Variants in WDR37 observed in about 807,000 individuals in gnomAD.
WDR37 encodes the protein WD repeat domain 37.
WDR37 carries 19 observed loss-of-function variants against 62.9 expected under a neutral mutation model. The ratio of observed to expected loss-of-function variants is 0.30; its 90% CI spans 0.21 to 0.44. The LOEUF (loss-of-function observed/expected upper bound fraction) is 0.44, where lower values mean the gene tolerates loss of function less well. Ranked by LOEUF, WDR37 falls within the 20% of genes least tolerant of loss-of-function variation. The probability of loss-of-function intolerance (pLI) is 1.00; values close to 1 mark genes in which losing one functional copy is unlikely to be tolerated. For missense variants in WDR37, 474 were observed against 657.6 expected, an observed-to-expected ratio of 0.72 and a Z score of 3.05; for synonymous variants, 250 against 260.9, an observed-to-expected ratio of 0.96 and a Z score of 0.40.
intron 11 of WDR37, among the ~76,000 whole-genome samples, chr10:1,116,234 C>A (rs2387297): frequency 3.6e-4 from 54 of 151,196 alleles, no homozygotes; most frequent in Non-Finnish European, 5.9e-4. Context: ...CTCCCGTCAT[C>A]CCCCCTGCCC....
chr10:1,086,494 G>T, intron 7 of WDR37, 137 bp downstream of exon 7: 1 of 638,410 alleles, frequency 1.6e-6, no homozygotes, highest in South Asian at 1.9e-5. Flanking sequence ...AGTGTGGTCT[G>T]TTCAGAGACT....
At chr10:1,075,303 T>C (rs150661619) in intron 2 of WDR37, among the ~76,000 whole-genome samples, 5,908 of 151,150 alleles carry the variant, frequency 0.039, 410 homozygotes, top group African/African-American at 0.14. Context: ...AATTTATACT[T>C]TAAGTTCTGG....
intron 13 of WDR37, among the ~76,000 whole-genome samples, chr10:1,126,398 T>A (rs865784459): frequency 6.7e-4 from 91 of 134,832 alleles, no homozygotes; most frequent in African/African-American, 2.5e-3. Context: ...AGAGCGAGAC[T>A]GTGTCTCAGA....
chr10:1,080,956 C>T (rs1834008981), intron 5 of WDR37, among the ~76,000 whole-genome samples: 1 of 151,700 alleles, frequency 6.6e-6, no homozygotes, highest in Non-Finnish European at 1.5e-5. Flanking sequence ...TAGTAGCTTA[C>T]CCTAGTACCT....
rs764710166 is a variant in WDR37 at position 1,105,191 on chromosome 10, C to T, written c.1027C>T (p.Arg343Cys). ...PTQRLVVTSS[R>C]DTTFRLWDFR... ...CCAGCGGCTCGTGGTGACCTCCTCC[C>T]GTGACACGACTTTCCGCCTCTGGGA... Residue 343 changes from arginine to cysteine, a missense_variant, in exon 11 of 14, where the codon CGT (arginine) becomes TGT (cysteine). Transcript: ENST00000263150. The surrounding 1 kb of genome is among the most constrained non-coding windows in gnomAD (Gnocchi z 5.3). The T allele has an allele frequency of 2.5e-6, 4 of 1,614,118 alleles. No homozygotes were observed. The highest frequency in any genetic ancestry group is 2.2e-5 in the South Asian group (2 of 91,074).
chr10:1,126,598 G>A (rs554060013), intron 13 of WDR37, among the ~76,000 whole-genome samples: 120 of 152,278 alleles, frequency 7.9e-4, no homozygotes, highest in African/African-American at 2.6e-3. Context: ...CACGCCTGCC[G>A]GCAGCTTGGG....
chr10:1,105,179 G>A lies in WDR37; in HGVS notation c.1015G>A (p.Val339Met). ...CACACACCCCACCCAGCGGCTCGTG[G>A]TGACCTCCTCCCGTGACACGACTTT... ...CCTHPTQRLV[V>M]TSSRDTTFRL... The change falls in exon 11 of 14, where the codon GTG becomes ATG. Residue 339 changes from valine to methionine, a missense_variant. Coordinates refer to ENST00000263150, the MANE Select transcript of WDR37 (RefSeq NM_014023.4). This position sits in a 1 kb window ranked among gnomAD's most constrained non-coding sequence, Gnocchi z 5.3. The A allele has an allele frequency of 6.2e-7, 1 of 1,614,124 alleles. No homozygotes were observed. The highest frequency in any genetic ancestry group is 8.5e-7 in the Non-Finnish European group (1 of 1,180,022).
rs1244906228 is a variant in WDR37, at chr10:1,103,983, T to C, written c.961+147T>C. Reference sequence around the variant, plus strand: ...TGTGGTAATTTTTGGAGATTCTTTCTATTAATAATAGAACTATTGGTAGCT... The same window carrying C: ...TGTGGTAATTTTTGGAGATTCTTTCCATTAATAATAGAACTATTGGTAGCT... On this transcript the variant is annotated intron_variant, in intron 10 of 13. Transcript: ENST00000263150. The surrounding 1 kb of genome is among the most constrained non-coding windows in gnomAD (Gnocchi z 6.3). 3 of 767,936 alleles carry C rather than the reference T, an allele frequency of 3.9e-6. No individual in the cohort carries two copies. The highest frequency in any genetic ancestry group is 6.2e-6 in the Non-Finnish European group (3 of 485,514). The allele number at this position is 767,936 out of a possible 1,614,324, so 47.6% of individuals were successfully genotyped here. A position where few individuals can be genotyped will look rare whatever the true frequency, so the allele number is the denominator to read the frequency against.
intron 7 of WDR37, among the ~76,000 whole-genome samples, chr10:1,086,682 A>C (rs961817909): frequency 6.6e-6 from 1 of 152,166 alleles, no homozygotes; most frequent in African/African-American, 2.4e-5. Context: ...TCTGTTTTAG[A>C]GGTTTACTTT....
In WDR37 at chr10:1,121,162, T is replaced by G. The variant is rs1835566849; in HGVS notation, c.1104-3056T>G. Among the ~76,000 whole-genome samples the G allele has an allele frequency of 6.6e-6, 1 of 152,260 alleles. No individual in the cohort carries two copies. Among genetic ancestry groups the G allele is most frequent in the South Asian group, 2.1e-4 (1 of 4,834 alleles). ...CCTCTTTGCCAGTTCTTTTTTCTTTTGATGTCCGACAATACTTGTCAGGAT... is the reference window on the plus strand; with the variant it reads ...CCTCTTTGCCAGTTCTTTTTTCTTTGGATGTCCGACAATACTTGTCAGGAT... On this transcript the variant is annotated intron_variant, in intron 11 of 13. Transcript: ENST00000263150. The surrounding 1 kb of genome is among the most constrained non-coding windows in gnomAD (Gnocchi z 4.5).
At chr10:1,077,225 T>G (rs370128566) in intron 2 of WDR37, among the ~76,000 whole-genome samples, 10 of 152,138 alleles carry the variant, frequency 6.6e-5, no homozygotes, top group Admixed American at 2.0e-4. Flanking sequence ...GCTCAGGACC[T>G]GCTTACTTGC....
chr10:1,097,143 A>G (rs999135071), intron 9 of WDR37, among the ~76,000 whole-genome samples: 1 of 152,168 alleles, frequency 6.6e-6, no homozygotes, highest in Non-Finnish European at 1.5e-5. Context: ...ACTCCGAAAG[A>G]GTTGTTAAGG....
At position 1,056,497 on chromosome 10, in the gene WDR37, C is replaced by G. The variant is rs1833168714; in HGVS notation, c.-512C>G. ...GTCTCAGGCCTCAGGCGGACCGCGC[C>G]CCGGGCTCGCAGCCCTCCCGCCCCG... On this transcript the variant is annotated 5_prime_UTR_variant, in exon 1 of 14. Transcript: ENST00000263150. The G allele has an allele frequency of 6.6e-6, 1 of 152,122 alleles. No individual in the cohort carries two copies. The highest frequency in any genetic ancestry group is 2.4e-5 in the African/African-American group (1 of 41,442). The allele number at this position is 152,122 out of a possible 1,614,324, so 9.4% of individuals were successfully genotyped here.
Position 1,059,036 on chromosome 10 carries a change from CTG to C in WDR37, c.-41+2069_-41+2070del, listed in dbSNP as rs571792302. On this transcript the variant is annotated intron_variant, in intron 1 of 13. Transcript: ENST00000263150. ...GTTTAAAATCCTACTGGATATGAAA[CTG>C]AAAGTAATGTTTTGTGTTTTTTGTT... Among the ~76,000 whole-genome samples the C allele has an allele frequency of 1.4e-3, 213 of 152,280 alleles. 1 individual carries two copies. The highest frequency in any genetic ancestry group is 5.0e-3 in the African/African-American group (206 of 41,556).
At chr10:1,114,678 C>G (rs543502114) in intron 11 of WDR37, among the ~76,000 whole-genome samples, 1 of 152,224 alleles carries the variant, frequency 6.6e-6, no homozygotes, top group Admixed American at 6.5e-5. Context: ...GCAGAAGCTC[C>G]GAGATTGCCT....
rs1835910784 is a variant in WDR37, at chr10:1,129,506, G to C, written c.*162G>C. 5 of 1,110,522 alleles carry C rather than the reference G, an allele frequency of 4.5e-6. No individual in the cohort carries two copies. The highest frequency in any genetic ancestry group is 6.2e-6 in the Non-Finnish European group (5 of 801,352). 68.8% of individuals were successfully genotyped at this position (1,110,522 alleles called of 1,614,324 possible). A position where few individuals can be genotyped will look rare whatever the true frequency, so the allele number is the denominator to read the frequency against. ...GTGCCCAGCTTGCATGAAATGTACA[G>C]AGAAATGTGTGGTCGTATTTTTTAC... On this transcript the variant is annotated 3_prime_UTR_variant, in exon 14 of 14. Coordinates refer to ENST00000263150, the MANE Select transcript of WDR37 (RefSeq NM_014023.4).
At chr10:1,069,389 A>ATATATATATATATATTTT in intron 1 of WDR37, among the ~76,000 whole-genome samples, 15 of 95,774 alleles carry the variant, frequency 1.6e-4, no homozygotes, top group Admixed American at 2.4e-4. Context: ...ATATATATAT[A>ATATATATATATATATTTT]TTTTTTTTTT....
intron 1 of WDR37, among the ~76,000 whole-genome samples, chr10:1,059,333 G>A (rs1304606648): frequency 6.6e-6 from 1 of 152,164 alleles, no homozygotes; most frequent in East Asian, 1.9e-4. Context: ...CCGAGATCAC[G>A]CCACTGCCCT....
At chr10:1,093,544 A>G in intron 8 of WDR37, 48 bp downstream of exon 8, 2 of 1,431,614 alleles carry the variant, frequency 1.4e-6, no homozygotes, top group African/African-American at 1.4e-5. Context: ...ATGGTCTTAA[A>G]ACAACTATAA....
Sources: gnomAD v4.1 joint callset for allele counts (sites outside exome capture counted in the v4.1 genomes callset) on GRCh38, gnomAD v4.1.1 for gene constraint, Gnocchi (gnomAD v3.1) non-coding constraint, MANE v1.5 for transcripts, NCBI Gene and HGNC (gene_info 2026-07-23, HGNC 2026-07-21) for gene names.